COL25A1: variants seen among roughly 807,000 people sequenced by gnomAD.
COL25A1 encodes the protein collagen alpha-1(XXV) chain.
A neutral mutation model predicts 128.4 loss-of-function variants in COL25A1; 103 were observed. The ratio of observed to expected loss-of-function variants is 0.80; its 90% confidence interval spans 0.68 to 0.94. COL25A1 has a LOEUF of 0.94. Among genes scored for constraint, COL25A1 ranks in the 40% least tolerant of loss-of-function variants. The pLI is 0.00. For missense variants in COL25A1, 745 were observed against 840.0 expected, an observed-to-expected ratio of 0.89 and a Z score of 1.40; for synonymous variants, 279 against 277.2, an observed-to-expected ratio of 1.01 and a Z score of -0.06.
At position 109,089,172 on chromosome 4, in the gene COL25A1, G is replaced by GA. The variant is rs1560671052; in HGVS notation, c.368-38994dup. Among the ~76,000 whole-genome samples, 4 of 152,094 alleles carry GA rather than the reference G, an allele frequency of 2.6e-5. No individual in the cohort carries two copies. In the East Asian group the frequency reaches 5.8e-4, roughly 22 times the overall value. On this transcript the variant is annotated intron_variant, in intron 3 of 37. Transcript: ENST00000399132. ...AAGTAGAAAAGCCATCACATTGTGGGAAAAAATGACACAGAACAATCAAAA... is the reference window on the plus strand; with the variant it reads ...AAGTAGAAAAGCCATCACATTGTGGGAAAAAAATGACACAGAACAATCAAAA...
At position 108,969,299 on chromosome 4, in the gene COL25A1, T is replaced by C. The variant is rs144019455; in HGVS notation, c.492+5068A>G. ...GACCAGAAGTCTACTAAGAAGTTCATAGGGAAAATGTTGCTTTCTTGATTC... is the reference window on the plus strand; with the variant it reads ...GACCAGAAGTCTACTAAGAAGTTCACAGGGAAAATGTTGCTTTCTTGATTC... On this transcript the variant is annotated intron_variant, in intron 8 of 37. Coordinates refer to ENST00000399132, the MANE Select transcript of COL25A1 (RefSeq NM_198721.4). Among the ~76,000 whole-genome samples the C allele has an allele frequency of 8.2e-4, 125 of 152,290 alleles. 1 individual carries two copies. Among genetic ancestry groups the C allele is most frequent in the South Asian group, 2.1e-3 (10 of 4,822 alleles).
chr4:108,973,141 CAT>C (rs1046899588), intron 8 of COL25A1, among the ~76,000 whole-genome samples: 8 of 152,172 alleles, frequency 5.3e-5, no homozygotes, highest in Admixed American at 5.2e-4. Context: ...GGAGACATGT[CAT>C]GTGAAATAAT....
chr4:108,848,372 G>C (rs1396891562), intron 27 of COL25A1, among the ~76,000 whole-genome samples: 1 of 152,032 alleles, frequency 6.6e-6, no homozygotes, highest in Non-Finnish European at 1.5e-5. Flanking sequence ...AGAAAACATT[G>C]TCTAAAAAAG....
At chr4:108,959,026 ATTT>A (rs1750380368) in intron 8 of COL25A1, among the ~76,000 whole-genome samples, 2 of 152,106 alleles carry the variant, frequency 1.3e-5, no homozygotes, top group African/African-American at 4.8e-5. Context: ...GTGTTTGTAT[ATTT>A]TGATGGACTC....
intron 3 of COL25A1, among the ~76,000 whole-genome samples, chr4:109,163,217 C>T (rs977409774): frequency 2.6e-5 from 4 of 152,158 alleles, no homozygotes; most frequent in African/African-American, 9.7e-5. Flanking sequence ...AGCTATTCTA[C>T]CTACTAAATG....
chr4:108,924,558 C>T (rs928556749), intron 11 of COL25A1, among the ~76,000 whole-genome samples: 1 of 152,152 alleles, frequency 6.6e-6, no homozygotes, highest in Admixed American at 6.6e-5. Flanking sequence ...AAGAATATCT[C>T]TATGGTCCAG....
chr4:108,852,952 C>G, intron 24 of COL25A1, 27 bp from the exon 25 acceptor site: 1 of 1,601,612 alleles, frequency 6.2e-7, no homozygotes. Flanking sequence ...TTGACAAAGA[C>G]AGAGTTATCT....
chr4:109,108,143 TA>T (rs1766629781), intron 3 of COL25A1, among the ~76,000 whole-genome samples: 1 of 152,342 alleles, frequency 6.6e-6, no homozygotes, highest in Admixed American at 6.5e-5. Context: ...ACTCGTCATT[TA>T]ACATTAGGTA....
At chr4:109,060,727 A>G (rs1761894321) in intron 3 of COL25A1, among the ~76,000 whole-genome samples, 1 of 151,984 alleles carries the variant, frequency 6.6e-6, no homozygotes, top group Non-Finnish European at 1.5e-5. Context: ...TCTTGGCAAA[A>G]TGAGTTCATG....
At chr4:108,887,229 T>C (rs758940767) in intron 18 of COL25A1, among the ~76,000 whole-genome samples, 47 of 152,176 alleles carry the variant, frequency 3.1e-4, no homozygotes, top group Admixed American at 2.0e-4. Flanking sequence ...ATGAGCTTTT[T>C]GCTGTGTCAC....
chr4:108,979,182 T>A (rs990151872), intron 6 of COL25A1, among the ~76,000 whole-genome samples: 1 of 152,184 alleles, frequency 6.6e-6, no homozygotes, highest in African/African-American at 2.4e-5. Context: ...GAACCACCCT[T>A]CTATTTGTAA....
At chr4:109,078,363 T>C (rs1418090008) in intron 3 of COL25A1, among the ~76,000 whole-genome samples, 1 of 152,226 alleles carries the variant, frequency 6.6e-6, no homozygotes, top group Non-Finnish European at 1.5e-5. Context: ...AGCAGTACTT[T>C]ATATAATTTT....
intron 3 of COL25A1, among the ~76,000 whole-genome samples, chr4:109,247,232 G>A (rs1001150316): frequency 6.6e-6 from 1 of 152,120 alleles, no homozygotes; most frequent in African/African-American, 2.4e-5. Flanking sequence ...TGTAATCTGA[G>A]CTACTCAGGA....
chr4:108,920,046 G>C (rs1407058114), intron 12 of COL25A1, among the ~76,000 whole-genome samples: 2 of 152,170 alleles, frequency 1.3e-5, no homozygotes, highest in Non-Finnish European at 2.9e-5. Context: ...ACAGGCATGA[G>C]CCACTGTGCC....
chr4:108,923,056 C>T (rs1395550891), intron 11 of COL25A1, among the ~76,000 whole-genome samples: 1 of 152,162 alleles, frequency 6.6e-6, no homozygotes, highest in African/African-American at 2.4e-5. Flanking sequence ...TGCATGCACA[C>T]ATCCAGAAAT....
intron 15 of COL25A1, 142 bp from the exon 16 acceptor site, chr4:108,896,853 C>G: frequency 1.4e-6 from 1 of 711,614 alleles, no homozygotes; most frequent in Non-Finnish European, 2.4e-6. Flanking sequence ...TGTATTTATA[C>G]TTGACCAGTT....
At chr4:109,263,222 T>C (rs534776386) in intron 3 of COL25A1, among the ~76,000 whole-genome samples, 1 of 152,156 alleles carries the variant, frequency 6.6e-6, no homozygotes, top group South Asian at 2.1e-4. Context: ...ATATATCATG[T>C]TGGGGAGTTG....
intron 3 of COL25A1, among the ~76,000 whole-genome samples, chr4:109,264,881 A>T (rs1404992598): frequency 6.6e-6 from 1 of 152,256 alleles, no homozygotes; most frequent in Non-Finnish European, 1.5e-5. Context: ...TACTTTCATT[A>T]TATTTTATAA....
rs976560146 is a variant in COL25A1 at position 109,085,543 on chromosome 4, A to G, written c.368-35364T>C. On this transcript the variant is annotated intron_variant, in intron 3 of 37. Coordinates refer to ENST00000399132, the MANE Select transcript of COL25A1 (RefSeq NM_198721.4). ...CTTTCCCCTCTCCAATGCATTAAAC[A>G]TACTGCTCTTATGTTAAGTAAGCTT... is the stretch of plus-strand genomic sequence containing the variant. Among the ~76,000 whole-genome samples the G allele has an allele frequency of 2.6e-5, 4 of 152,186 alleles. No homozygotes were observed. In the East Asian group the frequency reaches 7.7e-4, roughly 29 times the overall value.
Sources: allele counts gnomAD v4.1 joint callset (sites outside exome capture counted in the v4.1 genomes callset), GRCh38; gene constraint gnomAD v4.1.1; transcripts MANE v1.5; gene names NCBI Gene and HGNC (gene_info 2026-07-23, HGNC 2026-07-21).